Variants in KANK1 observed in about 807,000 individuals in gnomAD.
KANK1 encodes the protein KN motif and ankyrin repeat domains 1.
KANK1 carries 109 observed loss-of-function variants against 106.2 expected under a neutral mutation model. That is an observed-to-expected ratio of 1.03 (90% confidence interval 0.88 to 1.20). KANK1 has a LOEUF of 1.20. KANK1 is among the 50% of genes most tolerant of loss of function. KANK1 has a pLI of 0.00. For synonymous variants in KANK1, 873 were observed against 652.2 expected (o/e 1.34, Z -5.16); for missense variants, 2,399 against 1,710.7 (o/e 1.40, Z -7.10).
intron 1 of KANK1, among the ~76,000 whole-genome samples, chr9:527,364 C>T (rs572483133): frequency 2.6e-5 from 4 of 151,820 alleles, no homozygotes; most frequent in South Asian, 2.1e-4. Context: ...TGCAGTGGCG[C>T]GATCTTGGCT....
intron 3 of KANK1, among the ~76,000 whole-genome samples, chr9:481,150 GGAAGT>G (rs2058196766): frequency 6.6e-6 from 1 of 152,176 alleles, no homozygotes; most frequent in South Asian, 2.1e-4. Context: ...ATACTGGACT[GGAAGT>G]GAAAAACAGA....
intron 2 of KANK1, among the ~76,000 whole-genome samples, chr9:698,810 T>A (rs188171060): frequency 7.9e-5 from 12 of 152,332 alleles, no homozygotes; most frequent in African/African-American, 2.9e-4. Context: ...ATGGAAACCC[T>A]AATGGAGAAT....
chr9:744,659 G>A lies in KANK1; in HGVS notation c.3996+70G>A, dbSNP rs1032603596. 1.9e-6 allele frequency: 3 copies of A among 1,612,550 alleles called. No homozygotes were observed. The African/African-American group carries it at 4.0e-5, about 22-fold the overall frequency. On this transcript the variant is annotated intron_variant, in intron 11 of 11. Coordinates refer to ENST00000382297, the MANE Select transcript of KANK1 (RefSeq NM_015158.5). ...CAGACTGGTGGACCCCCTTCCTCCA[G>A]GAATTGACGGGAGACAGATTTTATG... is the stretch of plus-strand genomic sequence containing the variant.
intron 1 of KANK1, among the ~76,000 whole-genome samples, chr9:608,716 T>A (rs889680986): frequency 6.6e-6 from 1 of 152,118 alleles, no homozygotes; most frequent in Non-Finnish European, 1.5e-5. Context: ...GGTTGTCAGT[T>A]ATTAGGGTGT....
chr9:631,546 C>G (rs55819003), intron 1 of KANK1, among the ~76,000 whole-genome samples: 99,159 of 151,646 alleles, frequency 0.65, 35,034 homozygotes, highest in African/African-American at 0.91. Flanking sequence ...TCTCCTTCTT[C>G]CACATTCCTC....
At chr9:500,905 GA>G (rs2058539612), upstream of KANK1, among the ~76,000 whole-genome samples, 1 of 152,140 alleles carries the variant, frequency 6.6e-6, no homozygotes, top group African/African-American at 2.4e-5. Context: ...GAAATGGAAA[GA>G]TTACAACATA....
chr9:641,852 C>G (rs1838520401), intron 1 of KANK1, among the ~76,000 whole-genome samples: 1 of 152,140 alleles, frequency 6.6e-6, no homozygotes, highest in African/African-American at 2.4e-5. Flanking sequence ...GCAGTCCACC[C>G]TTTAAAGTAT....
chr9:512,407 T>C (rs919996904), intron 1 of KANK1, among the ~76,000 whole-genome samples: 2 of 152,078 alleles, frequency 1.3e-5, no homozygotes. Context: ...TCCCTCCAGC[T>C]CAGGGAGGCC....
At chr9:719,325 A>G (rs1828678904) in intron 3 of KANK1, among the ~76,000 whole-genome samples, 1 of 152,146 alleles carries the variant, frequency 6.6e-6, no homozygotes, top group Admixed American at 6.5e-5. Flanking sequence ...TTTTAGTCAT[A>G]CTTTGGGAAA....
At chr9:608,034 A>ATTATTTTTTT (rs550990252) in intron 1 of KANK1, among the ~76,000 whole-genome samples, 2 of 115,354 alleles carry the variant, frequency 1.7e-5, no homozygotes, top group African/African-American at 7.4e-5. Context: ...TATTATTATT[A>ATTATTTTTTT]TTTTTTTTTT....
At chr9:520,572 A>C (rs1215420207) in intron 1 of KANK1, among the ~76,000 whole-genome samples, 1 of 151,874 alleles carries the variant, frequency 6.6e-6, no homozygotes, top group Middle Eastern at 3.4e-3. Context: ...AATTGAAAAC[A>C]ATATAATCTA....
intron 1 of KANK1, among the ~76,000 whole-genome samples, chr9:520,017 G>A (rs1002861173): frequency 7.3e-5 from 11 of 151,652 alleles, no homozygotes; most frequent in African/African-American, 2.7e-4. Context: ...TCCACTCTGG[G>A]ACATACTTAT....
chr9:610,840 G>A (rs921626945), intron 1 of KANK1, among the ~76,000 whole-genome samples: 1 of 152,138 alleles, frequency 6.6e-6, no homozygotes, highest in Non-Finnish European at 1.5e-5. Flanking sequence ...CATGTTTGTG[G>A]TTATTTTTCT....
intron 1 of KANK1, among the ~76,000 whole-genome samples, chr9:626,127 A>C (rs1834288049): frequency 6.6e-6 from 1 of 152,216 alleles, no homozygotes; most frequent in South Asian, 2.1e-4. Flanking sequence ...ATTACTGAAG[A>C]AATGAAATAA....
chr9:556,234 T>G (rs1587776564), intron 1 of KANK1, among the ~76,000 whole-genome samples: 1 of 152,366 alleles, frequency 6.6e-6, no homozygotes, highest in East Asian at 1.9e-4. Flanking sequence ...TTAGAATTTA[T>G]CTTGGTTAAT....
At chr9:655,756 T>A (rs1180556968) in intron 1 of KANK1, among the ~76,000 whole-genome samples, 1 of 152,242 alleles carries the variant, frequency 6.6e-6, no homozygotes, top group African/African-American at 2.4e-5. Context: ...TTCAGATACC[T>A]TAGAAACAAT....
chr9:659,745 C>T (rs1331679843), intron 1 of KANK1, among the ~76,000 whole-genome samples: 1 of 151,834 alleles, frequency 6.6e-6, no homozygotes, highest in African/African-American at 2.4e-5. Context: ...AACCAGTTCT[C>T]GGGGGAAGTC....
chr9:528,897 T>A (rs2059929886), intron 1 of KANK1, among the ~76,000 whole-genome samples: 1 of 152,062 alleles, frequency 6.6e-6, no homozygotes, highest in African/African-American at 2.4e-5. Context: ...CCTCCTGGGC[T>A]TAAGCAATCA....
At chr9:631,700 G>T (rs957647508) in intron 1 of KANK1, among the ~76,000 whole-genome samples, 4 of 152,164 alleles carry the variant, frequency 2.6e-5, no homozygotes, top group African/African-American at 9.7e-5. Context: ...GTTTAGCTTG[G>T]CATGCAAAAC....
Sources: allele counts gnomAD v4.1 joint callset (sites outside exome capture counted in the v4.1 genomes callset), GRCh38; gene constraint gnomAD v4.1.1; transcripts MANE v1.5; gene names NCBI Gene and HGNC (gene_info 2026-07-23, HGNC 2026-07-21).